SPOCK1: variants seen among roughly 807,000 people sequenced by gnomAD.
SPOCK1 encodes the protein testican-1.
Under a neutral mutation model 55.3 loss-of-function variants are expected in SPOCK1, and 23 were observed. The observed-to-expected ratio is 0.42, with a 90% CI of 0.30 to 0.59. SPOCK1 has a LOEUF of 0.59. Ranked by LOEUF, SPOCK1 falls within the 20% of genes least tolerant of loss-of-function variation. The pLI is 0.22. For missense variants in SPOCK1, 499 were observed against 552.5 expected, an observed-to-expected ratio of 0.90 and a Z score of 0.97; for synonymous variants, 226 against 221.0, an observed-to-expected ratio of 1.02 and a Z score of -0.20.
At chr5:137,062,922 G>A (rs918130121) in intron 6 of SPOCK1, among the ~76,000 whole-genome samples, 3 of 152,182 alleles carry the variant, frequency 2.0e-5, no homozygotes, top group Non-Finnish European at 2.9e-5. Flanking sequence ...TTGTCAGGAG[G>A]TAATTTAGAG....
intron 4 of SPOCK1, among the ~76,000 whole-genome samples, chr5:137,126,218 T>C (rs1420854819): frequency 6.6e-6 from 1 of 152,220 alleles, no homozygotes; most frequent in Non-Finnish European, 1.5e-5. Flanking sequence ...TCTTTCTCTC[T>C]TGCTTTCACC....
At chr5:137,019,073 C>T (rs1751510307) in intron 6 of SPOCK1, among the ~76,000 whole-genome samples, 1 of 152,120 alleles carries the variant, frequency 6.6e-6, no homozygotes, top group Non-Finnish European at 1.5e-5. Flanking sequence ...AGTATGCTTA[C>T]AAAATTGGCA....
chr5:137,376,058 T>C (rs1233760528), intron 2 of SPOCK1, among the ~76,000 whole-genome samples: 1 of 152,174 alleles, frequency 6.6e-6, no homozygotes, highest in East Asian at 1.9e-4. Flanking sequence ...ACCAAGTACA[T>C]GAAGTAAAAT....
rs762367066 is a variant in SPOCK1 at position 137,488,377 on chromosome 5, C to CA, written c.186+9995dup. On this transcript the variant is annotated intron_variant, in intron 2 of 10. Transcript: ENST00000394945. ...GGGCGACAGAGCAAGACTCTGTCTT[C>CA]AAAAAAAAAAGAATCACCTGGACTG... Among the ~76,000 whole-genome samples, 146 of 146,866 alleles carry CA rather than the reference C, an allele frequency of 9.9e-4. 1 individual carries two copies. The East Asian group carries it at 0.02, about 20-fold the overall frequency.
chr5:137,170,988 A>G (rs767615707), intron 3 of SPOCK1, among the ~76,000 whole-genome samples: 4 of 152,146 alleles, frequency 2.6e-5, no homozygotes, highest in Non-Finnish European at 4.4e-5. Context: ...CTATGCCCAC[A>G]GTTAACCAGG....
chr5:137,299,925 T>C (rs1757555669), intron 2 of SPOCK1, among the ~76,000 whole-genome samples: 1 of 152,194 alleles, frequency 6.6e-6, no homozygotes, highest in Admixed American at 6.5e-5. Flanking sequence ...GCTTGCTGTA[T>C]CTATAAATTA....
chr5:137,334,669 G>C (rs1314127027), intron 2 of SPOCK1, among the ~76,000 whole-genome samples: 1 of 152,204 alleles, frequency 6.6e-6, no homozygotes, highest in East Asian at 1.9e-4. Flanking sequence ...CAGGCTCTAA[G>C]ATGAGGTCCC....
chr5:137,116,865 G>GACCCACA (rs1296881651), intron 4 of SPOCK1, among the ~76,000 whole-genome samples: 5 of 151,988 alleles, frequency 3.3e-5, no homozygotes, highest in African/African-American at 1.2e-4. Context: ...CATCATGTGG[G>GACCCACA]TTTTCCTTGA....
chr5:137,273,600 G>A (rs1196611314), intron 2 of SPOCK1, among the ~76,000 whole-genome samples: 1 of 152,152 alleles, frequency 6.6e-6, no homozygotes, highest in Admixed American at 6.5e-5. Flanking sequence ...GAGGTTATGG[G>A]GTAGAATAAC....
intron 3 of SPOCK1, among the ~76,000 whole-genome samples, chr5:137,166,934 A>T (rs185113223): frequency 5.9e-5 from 9 of 152,234 alleles, no homozygotes; most frequent in African/African-American, 2.2e-4. Context: ...ACCAGGAGGC[A>T]AATAGCAAAA....
chr5:137,164,502 G>A (rs1385611470), intron 3 of SPOCK1, among the ~76,000 whole-genome samples: 1 of 152,146 alleles, frequency 6.6e-6, no homozygotes, highest in Non-Finnish European at 1.5e-5. Context: ...CTTCAGGAGA[G>A]ACCCAGTACA....
At chr5:137,085,442 G>T (rs925820881) in intron 5 of SPOCK1, among the ~76,000 whole-genome samples, 1 of 152,356 alleles carries the variant, frequency 6.6e-6, no homozygotes, top group Admixed American at 6.5e-5. Context: ...TGCACAGAGA[G>T]CTTCTGGCCA....
intron 4 of SPOCK1, among the ~76,000 whole-genome samples, chr5:137,131,413 T>C (rs1421919233): frequency 6.6e-6 from 1 of 151,900 alleles, no homozygotes; most frequent in Non-Finnish European, 1.5e-5. Context: ...ATTGAGACCA[T>C]CCTGGCTAAC....
At chr5:137,100,733 TA>T (rs571924815) in intron 5 of SPOCK1, among the ~76,000 whole-genome samples, 1 of 152,190 alleles carries the variant, frequency 6.6e-6, no homozygotes, top group South Asian at 2.1e-4. Context: ...CCTTTCCTGC[TA>T]CTGGAGGTTT....
intron 3 of SPOCK1, among the ~76,000 whole-genome samples, chr5:137,155,743 A>G (rs1754404497): frequency 6.6e-6 from 1 of 152,212 alleles, no homozygotes; most frequent in African/African-American, 2.4e-5. Context: ...CGTTTTTTAA[A>G]TGGGCAACAA....
chr5:137,045,221 T>C (rs1405378306), intron 6 of SPOCK1, among the ~76,000 whole-genome samples: 2 of 142,492 alleles, frequency 1.4e-5, no homozygotes, highest in Middle Eastern at 3.6e-3. Context: ...ATCGCCACAC[T>C]GACTTCCACA....
intron 2 of SPOCK1, among the ~76,000 whole-genome samples, chr5:137,377,750 C>A (rs1437446741): frequency 6.6e-6 from 1 of 152,070 alleles, no homozygotes. Flanking sequence ...GATTCTCTTA[C>A]CAGGTGTTCA....
Position 137,091,202 on chromosome 5 carries a change from C to T in SPOCK1, c.474+21233G>A, listed in dbSNP as rs1326760880. 2.6e-5 allele frequency among the ~76,000 whole-genome samples: 4 copies of T among 152,332 alleles called. No individual in the cohort carries two copies. The East Asian group carries it at 7.7e-4, about 29-fold the overall frequency. On this transcript the variant is annotated intron_variant, in intron 5 of 10. Coordinates refer to ENST00000394945, the MANE Select transcript of SPOCK1 (RefSeq NM_004598.4). ...CAGCCAGTAGGTCATTTCTCCTATC[C>T]TCCCAAGGACTATCTCTTCCCTGCT...
chr5:137,166,153 G>T (rs1447615027), intron 3 of SPOCK1, among the ~76,000 whole-genome samples: 1 of 152,038 alleles, frequency 6.6e-6, no homozygotes, highest in African/African-American at 2.4e-5. Context: ...ATAAAGAGAT[G>T]ATCCTAAAAG....
Sources: allele counts gnomAD v4.1 joint callset (sites outside exome capture counted in the v4.1 genomes callset), GRCh38; gene constraint gnomAD v4.1.1; transcripts MANE v1.5; gene names NCBI Gene and HGNC (gene_info 2026-07-23, HGNC 2026-07-21).